Variants in WASL observed in about 807,000 individuals in gnomAD.
WASL encodes WASP like actin nucleation promoting factor.
Under a neutral mutation model 55.5 loss-of-function variants are expected in WASL, and 20 were observed. The observed-to-expected ratio is 0.36, with a 90% CI of 0.25 to 0.52. WASL has a LOEUF of 0.52. WASL is among the 20% of genes least tolerant of loss of function. The probability of loss-of-function intolerance (pLI) is 0.92; values close to 1 mark genes in which losing one functional copy is unlikely to be tolerated. For missense variants in WASL, 504 were observed against 622.5 expected, an observed-to-expected ratio of 0.81 and a Z score of 2.03; for synonymous variants, 249 against 217.6, an observed-to-expected ratio of 1.14 and a Z score of -1.27.
chr7:123,735,903 T>C (rs1224426293), intron 1 of WASL, among the ~76,000 whole-genome samples: 2 of 152,042 alleles, frequency 1.3e-5, no homozygotes, highest in African/African-American at 2.4e-5. Context: ...TGTCTGAAGT[T>C]TCCAAACTTG....
chr7:123,705,926 A>T (rs767475033), intron 4 of WASL, among the ~76,000 whole-genome samples: 2 of 152,176 alleles, frequency 1.3e-5, no homozygotes, highest in Non-Finnish European at 2.9e-5. Context: ...GCAAAATTAA[A>T]AGTCAATATA....
intron 1 of WASL, among the ~76,000 whole-genome samples, chr7:123,728,115 C>A (rs909646083): frequency 2.6e-5 from 4 of 152,116 alleles, no homozygotes; most frequent in African/African-American, 9.7e-5. Context: ...AAGACTCTTA[C>A]AAAAAGCATG....
At position 123,692,647 on chromosome 7, in the gene WASL, G is replaced by A; in HGVS notation, c.1047C>T (p.Ala349=). The A allele has an allele frequency of 6.4e-7, 1 of 1,574,512 alleles. No individual in the cohort carries two copies. Among genetic ancestry groups the A allele is most frequent in the Non-Finnish European group, 8.6e-7 (1 of 1,162,948 alleles). ...PNRMYPPPPP[A]LPSSAPSGPP... ...GCCCTGAAGGTGCTGAGGAGGGAAG[G>A]GCTGGAGGTGGAGGAGGGTACATCC... The change falls in exon 9 of 11, where the codon GCC becomes GCT. Residue 349 remains alanine, a synonymous_variant. Coordinates refer to ENST00000223023, the MANE Select transcript of WASL (RefSeq NM_003941.4).
At chr7:123,698,619 G>A (rs940321661) in intron 5 of WASL, among the ~76,000 whole-genome samples, 7 of 152,042 alleles carry the variant, frequency 4.6e-5, no homozygotes, top group Admixed American at 6.6e-5. Context: ...GGAAGTTGTT[G>A]ATATGGATAA....
intron 1 of WASL, among the ~76,000 whole-genome samples, chr7:123,718,517 G>C (rs1803883497): frequency 6.6e-6 from 1 of 152,258 alleles, no homozygotes; most frequent in African/African-American, 2.4e-5. Context: ...AGTGTATCTG[G>C]AAGGAGGAGA....
chr7:123,729,430 T>C (rs1202543671), intron 1 of WASL, among the ~76,000 whole-genome samples: 1 of 152,210 alleles, frequency 6.6e-6, no homozygotes. Flanking sequence ...ATATTTTTAA[T>C]GAGTAAGACA....
intron 1 of WASL, among the ~76,000 whole-genome samples, chr7:123,737,335 C>T (rs1804251481): frequency 6.6e-6 from 1 of 152,060 alleles, no homozygotes; most frequent in Admixed American, 6.6e-5. Flanking sequence ...CGGTGGCTCA[C>T]GCCTGTAATC....
intron 1 of WASL, among the ~76,000 whole-genome samples, chr7:123,710,540 C>T (rs769545151): frequency 7.9e-5 from 12 of 152,046 alleles, no homozygotes; most frequent in Non-Finnish European, 1.3e-4. Flanking sequence ...TAATTAGATA[C>T]TAAATTCAGA....
intron 5 of WASL, among the ~76,000 whole-genome samples, chr7:123,701,721 A>G (rs1803593261): frequency 6.6e-6 from 1 of 152,238 alleles, no homozygotes; most frequent in South Asian, 2.1e-4. Flanking sequence ...GGTGCACCAA[A>G]TACAGTAAAG....
intron 6 of WASL, 54 bp downstream of exon 6, chr7:123,696,525 A>G (rs939347585): frequency 7.0e-7 from 1 of 1,435,910 alleles, no homozygotes; most frequent in African/African-American, 1.5e-5. Context: ...AAAATCAAGA[A>G]CAGCAATGAA....
At chr7:123,709,694 C>G (rs1199312343) in intron 1 of WASL, among the ~76,000 whole-genome samples, 3 of 152,126 alleles carry the variant, frequency 2.0e-5, no homozygotes, top group African/African-American at 7.2e-5. Context: ...AAAGTGAACA[C>G]TTAAGCAATG....
At position 123,748,822 on chromosome 7, in the gene WASL, G is replaced by T; in HGVS notation, c.-88C>A. The T allele has an allele frequency of 8.6e-7, 1 of 1,161,438 alleles. No individual in the cohort carries two copies. Among genetic ancestry groups the T allele is most frequent in the Non-Finnish European group, 1.2e-6 (1 of 843,568 alleles). 71.9% of individuals were successfully genotyped at this position (1,161,438 alleles called of 1,614,324 possible). A position where few individuals can be genotyped will look rare whatever the true frequency, so the allele number is the denominator to read the frequency against. The stretch of plus-strand genomic sequence containing the variant: ...TCCCCCTCTCGGTGACAGGGGCGGG[G>T]AGAAGTGGAGTCAGAGGCGCCACAT... On this transcript the variant is annotated 5_prime_UTR_variant, in exon 1 of 11. Transcript: ENST00000223023.
chr7:123,694,291 C>T (rs985321339), intron 8 of WASL, among the ~76,000 whole-genome samples: 4 of 151,856 alleles, frequency 2.6e-5, no homozygotes, highest in Non-Finnish European at 5.9e-5. Context: ...ATACTTTATC[C>T]AAGAAAAAGG....
At chr7:123,686,049 C>G (rs1027962523) in intron 10 of WASL, among the ~76,000 whole-genome samples, 4 of 150,830 alleles carry the variant, frequency 2.7e-5, no homozygotes, top group Non-Finnish European at 5.9e-5. Context: ...TTCTATTTTT[C>G]TCATGTAAAA....
At chr7:123,698,047 A>T (rs1407901442) in intron 5 of WASL, among the ~76,000 whole-genome samples, 1 of 149,908 alleles carries the variant, frequency 6.7e-6, no homozygotes, top group Non-Finnish European at 1.5e-5. Flanking sequence ...ACTCTTGGAA[A>T]CTTGTGTGTG....
intron 1 of WASL, among the ~76,000 whole-genome samples, chr7:123,733,693 G>A (rs1057312949): frequency 6.6e-6 from 1 of 152,016 alleles, no homozygotes; most frequent in East Asian, 1.9e-4. Context: ...AACATCAGAG[G>A]ACTGACACTA....
chr7:123,722,180 C>A (rs1176409095), intron 1 of WASL, among the ~76,000 whole-genome samples: 1 of 152,146 alleles, frequency 6.6e-6, no homozygotes, highest in Non-Finnish European at 1.5e-5. Flanking sequence ...GCAATAATCA[C>A]AGATGTCTAC....
At chr7:123,740,316 AG>A (rs1804317367) in intron 1 of WASL, among the ~76,000 whole-genome samples, 1 of 152,168 alleles carries the variant, frequency 6.6e-6, no homozygotes, top group South Asian at 2.1e-4. Context: ...CTTTAAAAAA[AG>A]GGTTACAATT....
At chr7:123,731,923 A>G (rs1342497643) in intron 1 of WASL, among the ~76,000 whole-genome samples, 1 of 152,190 alleles carries the variant, frequency 6.6e-6, no homozygotes, top group Non-Finnish European at 1.5e-5. Flanking sequence ...GCAGAAATCA[A>G]TGCAACTGAA....
Sources: gnomAD v4.1 joint callset for allele counts (sites outside exome capture counted in the v4.1 genomes callset) on GRCh38, gnomAD v4.1.1 for gene constraint, MANE v1.5 for transcripts, NCBI Gene and HGNC (gene_info 2026-07-23, HGNC 2026-07-21) for gene names.